The following CDH12 variants were observed in gnomAD, a reference collection of about 807,000 sequenced individuals.
CDH12 encodes the protein cadherin 12.
CDH12 carries 41 observed loss-of-function variants against 74.1 expected under a neutral mutation model. The ratio of observed to expected loss-of-function variants is 0.55; its 90% CI spans 0.43 to 0.72. The LOEUF (loss-of-function observed/expected upper bound fraction) is 0.72. Among genes scored for constraint, CDH12 ranks in the 30% least tolerant of loss-of-function variants. The pLI is 0.00. For missense variants in CDH12, 945 were observed against 977.2 expected (o/e 0.97, Z 0.44); for synonymous variants, 399 against 355.0 (o/e 1.12, Z -1.39).
intron 5 of CDH12, among the ~76,000 whole-genome samples, chr5:22,028,536 C>T (rs1446380867): frequency 2.6e-5 from 4 of 152,150 alleles, no homozygotes; most frequent in East Asian, 1.9e-4. Context: ...ATAAAATACC[C>T]AGGAATCCAA....
At chr5:22,646,963 T>C (rs916426321) in intron 1 of CDH12, among the ~76,000 whole-genome samples, 1 of 151,932 alleles carries the variant, frequency 6.6e-6, no homozygotes, top group Non-Finnish European at 1.5e-5. Context: ...ACTCATTTTC[T>C]TATATGGCTC....
rs569414470 is a variant in CDH12, at chr5:21,972,673, C to G, written c.526+2418G>C. ...AAGGCAGAAACAGCAGATACCACAA[C>G]TATAATTGGGTCTCCTTGTTTTTTG... On this transcript the variant is annotated intron_variant, in intron 6 of 14. Coordinates refer to ENST00000382254, the MANE Select transcript of CDH12 (RefSeq NM_004061.5). Among the ~76,000 whole-genome samples the G allele has an allele frequency of 2.5e-4, 38 of 152,150 alleles. No homozygotes were observed. In the South Asian group the frequency reaches 7.9e-3, roughly 32 times the overall value.
chr5:22,624,832 A>C (rs1738184818), intron 1 of CDH12, among the ~76,000 whole-genome samples: 1 of 152,186 alleles, frequency 6.6e-6, no homozygotes, highest in Non-Finnish European at 1.5e-5. Context: ...AGGATTATAA[A>C]TCATGCTGCT....
intron 1 of CDH12, among the ~76,000 whole-genome samples, chr5:22,832,936 T>C (rs755552988): frequency 6.6e-6 from 1 of 152,200 alleles, no homozygotes; most frequent in Non-Finnish European, 1.5e-5. Flanking sequence ...TTTATTTAAA[T>C]TTTTAAAATG....
At chr5:21,783,630 G>C in intron 10 of CDH12, 136 bp from the exon 11 acceptor site, 1 of 646,854 alleles carries the variant, frequency 1.5e-6, no homozygotes, top group Non-Finnish European at 2.7e-6. Context: ...GACTGTAAAT[G>C]ACAGCTTCTT....
intron 4 of CDH12, among the ~76,000 whole-genome samples, chr5:22,099,081 G>C (rs1281321257): frequency 3.3e-5 from 5 of 151,994 alleles, no homozygotes; most frequent in Admixed American, 2.0e-4. Flanking sequence ...TACTCAACAT[G>C]CCCCAAGTCA....
intron 6 of CDH12, among the ~76,000 whole-genome samples, chr5:21,880,467 TTTCCTTCCTTCC>T (rs1207307885): frequency 1.2e-5 from 1 of 84,878 alleles, no homozygotes; most frequent in East Asian, 3.7e-4. Flanking sequence ...TCCTTCCTTC[TTTCCTTCCTTCC>T]TTCCTTCCTT....
intron 3 of CDH12, among the ~76,000 whole-genome samples, chr5:22,268,478 G>A (rs1736237886): frequency 6.6e-6 from 1 of 151,894 alleles, no homozygotes; most frequent in Non-Finnish European, 1.5e-5. Flanking sequence ...TTTATAGTCA[G>A]AAAACTTTTA....
intron 8 of CDH12, among the ~76,000 whole-genome samples, chr5:21,830,199 C>CAA (rs1055199877): frequency 0.011 from 285 of 25,104 alleles, 11 homozygotes; most frequent in Non-Finnish European, 0.014. Context: ...AACTCCTTCT[C>CAA]AAAAAAAAAA....
intron 3 of CDH12, among the ~76,000 whole-genome samples, chr5:22,388,554 T>C (rs1474517540): frequency 6.6e-6 from 1 of 152,114 alleles, no homozygotes; most frequent in Non-Finnish European, 1.5e-5. Context: ...CATTTTAATG[T>C]CTTCATTCAT....
At chr5:21,967,975 T>G (rs1756662980) in intron 6 of CDH12, among the ~76,000 whole-genome samples, 1 of 152,180 alleles carries the variant, frequency 6.6e-6, no homozygotes, top group African/African-American at 2.4e-5. Context: ...ATCAACGGCT[T>G]GTCTCCACAC....
chr5:22,292,035 G>T (rs1047237610), intron 3 of CDH12, among the ~76,000 whole-genome samples: 1 of 152,048 alleles, frequency 6.6e-6, no homozygotes, highest in African/African-American at 2.4e-5. Context: ...ATAACAGAGA[G>T]CTCAGAAATA....
At chr5:22,324,063 G>C (rs1404937632) in intron 3 of CDH12, among the ~76,000 whole-genome samples, 1 of 152,020 alleles carries the variant, frequency 6.6e-6, no homozygotes, top group Non-Finnish European at 1.5e-5. Flanking sequence ...GTTTTGCATA[G>C]GCATACAACA....
At chr5:22,523,503 T>C (rs1333212208) in intron 1 of CDH12, among the ~76,000 whole-genome samples, 1 of 152,220 alleles carries the variant, frequency 6.6e-6, no homozygotes, top group Non-Finnish European at 1.5e-5. Context: ...TTAATTTTAA[T>C]TTCCTCCTCA....
intron 3 of CDH12, among the ~76,000 whole-genome samples, chr5:22,244,764 G>GAAAGAA (rs1561251163): frequency 8.4e-6 from 1 of 119,120 alleles, no homozygotes; most frequent in African/African-American, 3.1e-5. Flanking sequence ...AAGAAAGAAA[G>GAAAGAA]AAAGAAAGAA....
chr5:22,434,408 A>C lies in CDH12; in HGVS notation c.-427-29057T>G, dbSNP rs141148505. ...ATTTACAAATTACCTCCTCCATTTCAATTTTTTCTTGTCCAAATTTTCCCC... is the reference window on the plus strand; with the variant it reads ...ATTTACAAATTACCTCCTCCATTTCCATTTTTTCTTGTCCAAATTTTCCCC... On this transcript the variant is annotated intron_variant, in intron 2 of 14. Transcript: ENST00000382254. Among the ~76,000 whole-genome samples the C allele has an allele frequency of 3.1e-3, 476 of 152,180 alleles. 10 individuals carry two copies. Among genetic ancestry groups the C allele is most frequent in the East Asian group, 2.5e-3 (13 of 5,172 alleles).
chr5:21,947,662 C>A (rs562132287), intron 6 of CDH12, among the ~76,000 whole-genome samples: 2 of 152,086 alleles, frequency 1.3e-5, no homozygotes, highest in Non-Finnish European at 2.9e-5. Context: ...ACCCATTTTT[C>A]AGGGGAGGAA....
intron 4 of CDH12, among the ~76,000 whole-genome samples, chr5:22,097,725 AC>A (rs1232511165): frequency 6.6e-6 from 1 of 151,454 alleles, no homozygotes; most frequent in Non-Finnish European, 1.5e-5. Flanking sequence ...CCCCACCTAA[AC>A]CCACAAGTAT....
chr5:22,559,592 ATG>A (rs1460478417), intron 1 of CDH12, among the ~76,000 whole-genome samples: 1 of 152,102 alleles, frequency 6.6e-6, no homozygotes. Context: ...GAGTTTGATG[ATG>A]TTACTTTTTA....
Sources: gnomAD v4.1 joint callset for allele counts (sites outside exome capture counted in the v4.1 genomes callset) on GRCh38, gnomAD v4.1.1 for gene constraint, MANE v1.5 for transcripts, NCBI Gene and HGNC (gene_info 2026-07-23, HGNC 2026-07-21) for gene names.